Variants in RRM1 observed in about 807,000 individuals in gnomAD.
RRM1 encodes ribonucleotide reductase catalytic subunit M1.
Under a neutral mutation model 101.5 loss-of-function variants are expected in RRM1, and 19 were observed. The ratio of observed to expected loss-of-function variants is 0.19; its 90% confidence interval spans 0.13 to 0.27. RRM1 has a LOEUF of 0.27. RRM1 is among the 10% of genes least tolerant of loss of function. RRM1 has a pLI of 1.00. For synonymous variants in RRM1, 298 were observed against 323.4 expected (o/e 0.92, Z 0.84); for missense variants, 500 against 962.9 (o/e 0.52, Z 6.36).
chr11:4,129,255 T>A, intron 15 of RRM1, 105 bp downstream of exon 15: 2 of 641,480 alleles, frequency 3.1e-6, no homozygotes, highest in South Asian at 2.2e-5. Context: ...AACTCATTTA[T>A]TACAAATGGG....
intron 3 of RRM1, among the ~76,000 whole-genome samples, chr11:4,106,772 A>G (rs1378316520): frequency 6.6e-6 from 1 of 152,134 alleles, no homozygotes; most frequent in African/African-American, 2.4e-5. Context: ...AAATAAATAA[A>G]TAGCAAATAT....
In RRM1 at chr11:4,138,685, A is replaced by C; in HGVS notation, c.*302A>C. 1 of 253,400 alleles carries C rather than the reference A, an allele frequency of 3.9e-6. No homozygotes were observed. Among genetic ancestry groups the C allele is most frequent in the Non-Finnish European group, 7.5e-6 (1 of 132,742 alleles). 15.7% of individuals were successfully genotyped at this position (253,400 alleles called of 1,614,324 possible). On this transcript the variant is annotated 3_prime_UTR_variant, in exon 19 of 19. Transcript: ENST00000300738. ...CTTGCATACAGGGAGTGGTTAAGTAAGGTTTCATCACCCCTTTAGCACTGC... is the reference window on the plus strand; with the variant it reads ...CTTGCATACAGGGAGTGGTTAAGTACGGTTTCATCACCCCTTTAGCACTGC...
Position 4,106,368 on chromosome 11 carries a change from G to C in RRM1, c.286+145G>C, listed in dbSNP as rs1489860129. 10 of 685,494 alleles carry C rather than the reference G, an allele frequency of 1.5e-5. No individual in the cohort carries two copies. In the African/African-American group the frequency reaches 1.8e-4, roughly 12 times the overall value. 42.5% of individuals were successfully genotyped at this position (685,494 alleles called of 1,614,324 possible). A position where few individuals can be genotyped will look rare whatever the true frequency, so the allele number is the denominator to read the frequency against. The stretch of plus-strand genomic sequence containing the variant: ...AATCCCAGCAATTTGGGAGGCCAAG[G>C]CAGGCAAATCGCTTGAGTCCAGGAG... On this transcript the variant is annotated intron_variant, in intron 3 of 18. Coordinates refer to ENST00000300738, the MANE Select transcript of RRM1 (RefSeq NM_001033.5).
At chr11:4,133,328 C>T (rs918072039) in intron 16 of RRM1, among the ~76,000 whole-genome samples, 7 of 152,096 alleles carry the variant, frequency 4.6e-5, no homozygotes, top group Admixed American at 6.5e-5. Flanking sequence ...AGGCATGCTG[C>T]GCCACCATGC....
intron 12 of RRM1, among the ~76,000 whole-genome samples, chr11:4,125,358 G>A (rs961287583): frequency 6.6e-6 from 1 of 152,146 alleles, no homozygotes; most frequent in African/African-American, 2.4e-5. Flanking sequence ...CCATAGGAAT[G>A]GAGTCATATA....
At chr11:4,123,612 A>G (rs7358436) in intron 12 of RRM1, among the ~76,000 whole-genome samples, 134,875 of 152,206 alleles carry the variant, frequency 0.89, 60,014 homozygotes, top group South Asian at 0.93. Flanking sequence ...TTTCTTATAC[A>G]CACATCACTG....
chr11:4,119,571 A>C (rs1189313367), intron 8 of RRM1: 4 of 369,896 alleles, frequency 1.1e-5, no homozygotes, highest in Non-Finnish European at 2.0e-5. Flanking sequence ...AAATTTAGCT[A>C]CCTTGATTTT....
At chr11:4,100,888 T>C (rs1361284755) in intron 1 of RRM1, among the ~76,000 whole-genome samples, 1 of 152,170 alleles carries the variant, frequency 6.6e-6, no homozygotes, top group East Asian at 1.9e-4. Flanking sequence ...GTTAAGGCTG[T>C]TTGGTGGTTG....
chr11:4,134,777 T>C (rs571905885), intron 17 of RRM1, among the ~76,000 whole-genome samples: 2 of 152,314 alleles, frequency 1.3e-5, no homozygotes, highest in South Asian at 4.1e-4. Context: ...TTTAAGTGCC[T>C]CTAGAAGAAT....
intron 5 of RRM1, 71 bp from the exon 6 acceptor site, chr11:4,111,530 T>G (rs1383594504): frequency 1.0e-6 from 1 of 972,130 alleles, no homozygotes; most frequent in Non-Finnish European, 1.6e-6. Flanking sequence ...ATTGCCTTAT[T>G]GTGGATGATA....
chr11:4,103,992 C>T (rs1328767534), intron 2 of RRM1, among the ~76,000 whole-genome samples: 1 of 149,946 alleles, frequency 6.7e-6, no homozygotes, highest in Non-Finnish European at 1.5e-5. Context: ...GTGGCGCATA[C>T]CAGTAGTCCC....
At position 4,119,777 on chromosome 11, in the gene RRM1, A is replaced by G; in HGVS notation, c.793-68A>G. On this transcript the variant is annotated intron_variant, in intron 8 of 18. Transcript: ENST00000300738. ...AATTAGGCATCTTTTTTGATAAAAG[A>G]ATGGGGCCATTTTTTTCTTTTCTTT... The G allele has an allele frequency of 3.3e-6, 3 of 912,414 alleles. No homozygotes were observed. In the South Asian group the frequency reaches 4.3e-5, roughly 13 times the overall value. The allele number at this position is 912,414 out of a possible 1,614,324, so 56.5% of individuals were successfully genotyped here.
chr11:4,111,654 A>C lies in RRM1; in HGVS notation c.487+14A>C. The C allele has an allele frequency of 6.3e-7, 1 of 1,591,016 alleles. No homozygotes were observed. Among genetic ancestry groups the C allele is most frequent in the African/African-American group, 1.3e-5 (1 of 74,562 alleles). On this transcript the variant is annotated intron_variant, in intron 6 of 18. Coordinates refer to ENST00000300738, the MANE Select transcript of RRM1 (RefSeq NM_001033.5). ...TCAATGGAAAAGGTGAGAAATGAACATGTTTGTCTGTTACATTTTCTACTC... is the reference window on the plus strand; with the variant it reads ...TCAATGGAAAAGGTGAGAAATGAACCTGTTTGTCTGTTACATTTTCTACTC...
At chr11:4,102,170 AT>A in intron 2 of RRM1, 89 bp downstream of exon 2, 1 of 717,648 alleles carries the variant, frequency 1.4e-6, no homozygotes, top group South Asian at 1.6e-5. Flanking sequence ...TTCACCTGAT[AT>A]ACTTTGGTAT....
intron 1 of RRM1, among the ~76,000 whole-genome samples, chr11:4,101,110 C>T (rs1427917697): frequency 6.6e-6 from 1 of 151,964 alleles, no homozygotes; most frequent in East Asian, 1.9e-4. Context: ...ATAAGAAGAG[C>T]AAGGGTCCTA....
intron 5 of RRM1, among the ~76,000 whole-genome samples, chr11:4,110,175 CTG>C (rs1243309847): frequency 1.3e-5 from 2 of 151,782 alleles, no homozygotes; most frequent in Non-Finnish European, 2.9e-5. Flanking sequence ...TTTTTTGAGT[CTG>C]TGTCTCACTG....
In RRM1 at chr11:4,129,467, A is replaced by AT. The variant is rs5789322; in HGVS notation, c.1769+328dup. Among the ~76,000 whole-genome samples, 337 of 148,490 alleles carry AT rather than the reference A, an allele frequency of 2.3e-3. 1 individual carries two copies. Among genetic ancestry groups the AT allele is most frequent in the African/African-American group, 7.7e-3 (311 of 40,626 alleles). ...TCATTAAGGCTTTTTTCCAACTATGATTTTTTTTTTTAAATGTTTTTCATT... is the reference window on the plus strand; with the variant it reads ...TCATTAAGGCTTTTTTCCAACTATGATTTTTTTTTTTTAAATGTTTTTCATT... On this transcript the variant is annotated intron_variant, in intron 15 of 18. Transcript: ENST00000300738.
In RRM1 at chr11:4,101,879, A is replaced by T. The variant is rs904999019; in HGVS notation, c.20-114A>T. On this transcript the variant is annotated intron_variant, in intron 1 of 18. Coordinates refer to ENST00000300738, the MANE Select transcript of RRM1 (RefSeq NM_001033.5). ...AGGGGGCCTCAATCTTTTCTGTGAA[A>T]TAGCACTTCATGTTGGTCAATTTAC... The T allele has an allele frequency of 1.1e-5, 7 of 637,798 alleles. No individual in the cohort carries two copies. In the East Asian group the frequency reaches 1.9e-4, roughly 17 times the overall value. 39.5% of individuals were successfully genotyped at this position (637,798 alleles called of 1,614,324 possible).
chr11:4,103,200 C>A (rs757734027), intron 2 of RRM1, among the ~76,000 whole-genome samples: 44 of 152,162 alleles, frequency 2.9e-4, no homozygotes, highest in Non-Finnish European at 5.1e-4. Context: ...TTGTGATATC[C>A]TCAGTGCTTG....
Sources: allele counts gnomAD v4.1 joint callset (sites outside exome capture counted in the v4.1 genomes callset), GRCh38; gene constraint gnomAD v4.1.1; transcripts MANE v1.5; gene names NCBI Gene and HGNC (gene_info 2026-07-23, HGNC 2026-07-21).